RPRD1B: variants seen among roughly 807,000 people sequenced by gnomAD.
The protein encoded by RPRD1B is regulation of nuclear pre-mRNA domain containing 1B, also known as regulation of nuclear pre-mRNA domain-containing protein 1B.
Under a neutral mutation model 41.5 loss-of-function variants are expected in RPRD1B, and 11 were observed. The ratio of observed to expected loss-of-function variants is 0.27; its 90% CI spans 0.17 to 0.44. The LOEUF (loss-of-function observed/expected upper bound fraction) is 0.44, where lower values mean the gene tolerates loss of function less well. RPRD1B is among the 20% of genes least tolerant of loss of function. The probability of loss-of-function intolerance (pLI) is 1.00; values close to 1 mark genes in which losing one functional copy is unlikely to be tolerated. For synonymous variants in RPRD1B, 158 were observed against 155.6 expected (o/e 1.02, Z -0.12); for missense variants, 248 against 389.9 (o/e 0.64, Z 3.06).
At chr20:38,071,947 C>A (rs2074416893) in intron 6 of RPRD1B, among the ~76,000 whole-genome samples, 1 of 152,154 alleles carries the variant, frequency 6.6e-6, no homozygotes, top group African/African-American at 2.4e-5. Flanking sequence ...TGATTTGCAA[C>A]TATTTTCTCC....
chr20:38,063,092 C>G (rs2074316839), intron 5 of RPRD1B, among the ~76,000 whole-genome samples: 2 of 152,102 alleles, frequency 1.3e-5, no homozygotes, highest in Admixed American at 6.5e-5. Flanking sequence ...CCTTGCCAGT[C>G]ACTCTTTCCT....
At chr20:38,055,337 C>T (rs1397225859) in intron 3 of RPRD1B, among the ~76,000 whole-genome samples, 1 of 152,144 alleles carries the variant, frequency 6.6e-6, no homozygotes, top group Non-Finnish European at 1.5e-5. Flanking sequence ...GAGCAAACAT[C>T]TTTTCTGTGG....
intron 3 of RPRD1B, among the ~76,000 whole-genome samples, chr20:38,055,992 A>G (rs969585827): frequency 6.6e-6 from 1 of 152,208 alleles, no homozygotes; most frequent in Non-Finnish European, 1.5e-5. Flanking sequence ...TAACGAAGCC[A>G]TGGTAACAAA....
intron 3 of RPRD1B, among the ~76,000 whole-genome samples, chr20:38,050,695 T>G (rs1319463060): frequency 2.6e-5 from 4 of 152,230 alleles, no homozygotes; most frequent in Non-Finnish European, 4.4e-5. Flanking sequence ...GTGGCAGTGA[T>G]AGTATTGGGA....
intron 1 of RPRD1B, among the ~76,000 whole-genome samples, chr20:38,035,895 G>A (rs1018455839): frequency 3.3e-5 from 5 of 151,870 alleles, no homozygotes; most frequent in Non-Finnish European, 7.4e-5. Context: ...CTCCCGAGTA[G>A]CTGGAACTAC....
intron 2 of RPRD1B, among the ~76,000 whole-genome samples, chr20:38,044,075 CAT>C (rs1420687129): frequency 6.6e-6 from 1 of 152,138 alleles, no homozygotes. Flanking sequence ...ATCATGTAGT[CAT>C]AGTCATGGCA....
At chr20:38,061,091 C>G (rs2074292816) in intron 5 of RPRD1B, among the ~76,000 whole-genome samples, 1 of 152,148 alleles carries the variant, frequency 6.6e-6, no homozygotes, top group Non-Finnish European at 1.5e-5. Context: ...TCTCATGTAG[C>G]TTCCTTTTAA....
In RPRD1B at chr20:38,090,969, G is replaced by T. The variant is rs1229496393; in HGVS notation, c.*1094G>T. ...TGCGTCAGATGTTATTGAATAGCTC[G>T]TCTCGGGCAGGGGAAGCGGGGAGTT... On this transcript the variant is annotated 3_prime_UTR_variant, in exon 7 of 7. Coordinates refer to ENST00000373433, the MANE Select transcript of RPRD1B (RefSeq NM_021215.4). The T allele has an allele frequency of 1.0e-6, 1 of 985,336 alleles. No individual in the cohort carries two copies. Among genetic ancestry groups the T allele is most frequent in the African/African-American group, 1.7e-5 (1 of 57,226 alleles). 61.0% of individuals were successfully genotyped at this position (985,336 alleles called of 1,614,324 possible). A position where few individuals can be genotyped will look rare whatever the true frequency, so the allele number is the denominator to read the frequency against.
intron 6 of RPRD1B, chr20:38,070,768 C>G (rs1222523892): frequency 2.3e-5 from 21 of 897,288 alleles, no homozygotes; most frequent in Non-Finnish European, 2.6e-5. Flanking sequence ...GAGACAGACT[C>G]TTGCTCTGTT....
At chr20:38,049,516 C>T (rs1452560380) in intron 3 of RPRD1B, among the ~76,000 whole-genome samples, 1 of 151,224 alleles carries the variant, frequency 6.6e-6, no homozygotes, top group Non-Finnish European at 1.5e-5. Flanking sequence ...ATTACAGGCA[C>T]CTGCCACCAT....
chr20:38,084,368 C>T (rs2074541915), intron 6 of RPRD1B, among the ~76,000 whole-genome samples: 1 of 152,154 alleles, frequency 6.6e-6, no homozygotes, highest in Non-Finnish European at 1.5e-5. Flanking sequence ...TGTAGCACAA[C>T]AGGGCAAGAT....
At chr20:38,037,964 T>C (rs923629619) in intron 1 of RPRD1B, among the ~76,000 whole-genome samples, 3 of 152,222 alleles carry the variant, frequency 2.0e-5, no homozygotes, top group Non-Finnish European at 4.4e-5. Context: ...TTGCATGGGA[T>C]TATAGGTGTA....
At chr20:38,082,588 T>C (rs2122766543) in intron 6 of RPRD1B, among the ~76,000 whole-genome samples, 1 of 152,198 alleles carries the variant, frequency 6.6e-6, no homozygotes, top group East Asian at 1.9e-4. Flanking sequence ...GGGGTTTCAC[T>C]GTGTTAGCCA....
chr20:38,054,422 TTTC>T (rs2074219636), intron 3 of RPRD1B, among the ~76,000 whole-genome samples: 1 of 152,190 alleles, frequency 6.6e-6, no homozygotes, highest in African/African-American at 2.4e-5. Context: ...CCTAAAATGA[TTTC>T]TTATTTTAAG....
At chr20:38,051,790 C>T (rs2074187135) in intron 3 of RPRD1B, among the ~76,000 whole-genome samples, 4 of 152,130 alleles carry the variant, frequency 2.6e-5, no homozygotes, top group South Asian at 2.1e-4. Context: ...CTTGCTCTGT[C>T]GCCCAGGCTG....
rs1397094108 is a variant in RPRD1B, at chr20:38,033,957, TTC to T, written c.14_15del (p.Ser5Ter). 1 of 1,611,420 alleles carries T rather than the reference TTC, an allele frequency of 6.2e-7. No homozygotes were observed. The highest frequency in any genetic ancestry group is 8.5e-7 in the Non-Finnish European group (1 of 1,178,466). On this transcript the variant is annotated frameshift_variant, in exon 1 of 7. Coordinates refer to ENST00000373433, the MANE Select transcript of RPRD1B (RefSeq NM_021215.4). LOFTEE classifies it high-confidence loss of function. MSSFSESALEKKLS... is the reference protein window; with the variant it reads MSSXSESALEKKLS... The stretch of plus-strand genomic sequence containing the variant: ...CCTCACTGCCGCCACCATGTCCTCC[TTC>T]TCTGAGTCGGCGCTGGAGAAGAAGC...
At chr20:38,086,955 G>GT (rs374026439) in intron 6 of RPRD1B, among the ~76,000 whole-genome samples, 19 of 151,494 alleles carry the variant, frequency 1.3e-4, no homozygotes, top group Non-Finnish European at 1.9e-4. Context: ...GGTTTTTTTT[G>GT]TTTTTTTGTT....
intron 4 of RPRD1B, among the ~76,000 whole-genome samples, chr20:38,058,667 CAAGA>C (rs1406088020): frequency 2.0e-5 from 3 of 151,918 alleles, no homozygotes; most frequent in Non-Finnish European, 1.5e-5. Context: ...CAAGAAAACC[CAAGA>C]AAGAATTGAA....
At chr20:38,034,822 G>A (rs1460141210) in intron 1 of RPRD1B, among the ~76,000 whole-genome samples, 2 of 152,168 alleles carry the variant, frequency 1.3e-5, no homozygotes, top group Non-Finnish European at 2.9e-5. Flanking sequence ...TATGTGCCAG[G>A]CACTGGCTTG....
Sources: gnomAD v4.1 joint callset for allele counts (sites outside exome capture counted in the v4.1 genomes callset) on GRCh38, gnomAD v4.1.1 for gene constraint, MANE v1.5 for transcripts, NCBI Gene and HGNC (gene_info 2026-07-23, HGNC 2026-07-21) for gene names.